The following TRHDE variants were observed in gnomAD, a reference collection of about 807,000 sequenced individuals.
TRHDE encodes the protein thyrotropin-releasing hormone-degrading ectoenzyme.
Under a neutral mutation model 125.7 loss-of-function variants are expected in TRHDE, and 72 were observed. The observed-to-expected ratio is 0.57, with a 90% CI of 0.47 to 0.70. The LOEUF (loss-of-function observed/expected upper bound fraction) is 0.70, where lower values mean the gene tolerates loss of function less well. Among genes scored for constraint, TRHDE ranks in the 30% least tolerant of loss-of-function variants. TRHDE has a pLI of 0.00. For missense variants in TRHDE, 1,110 were observed against 1,327.1 expected, an observed-to-expected ratio of 0.84 and a Z score of 2.54; for synonymous variants, 509 against 509.1, an observed-to-expected ratio of 1.00 and a Z score of 0.00.
chr12:72,549,775 C>A (rs1869588817), intron 7 of TRHDE, among the ~76,000 whole-genome samples: 2 of 151,586 alleles, frequency 1.3e-5, no homozygotes, highest in Non-Finnish European at 1.5e-5. Context: ...TTAATACAAA[C>A]AAATACTTTA....
At chr12:72,434,260 C>T (rs936838349) in intron 3 of TRHDE, among the ~76,000 whole-genome samples, 1 of 151,734 alleles carries the variant, frequency 6.6e-6, no homozygotes, top group Non-Finnish European at 1.5e-5. Flanking sequence ...TGGACCACAC[C>T]TGTGGTCCCA....
At chr12:72,611,177 G>T in intron 12 of TRHDE, 1 of 195,312 alleles carries the variant, frequency 5.1e-6, no homozygotes, top group Non-Finnish European at 1.2e-5. Flanking sequence ...AGTGACATGA[G>T]TTTTGTCCTG....
At chr12:72,175,609 A>C (rs1391443402) in intron 2 of TRHDE, among the ~76,000 whole-genome samples, 2 of 152,208 alleles carry the variant, frequency 1.3e-5, no homozygotes, top group African/African-American at 4.8e-5. Context: ...TAGTTCTCAG[A>C]GTCAATGAGG....
At chr12:72,607,134 A>G (rs1469006884) in intron 12 of TRHDE, among the ~76,000 whole-genome samples, 3 of 152,034 alleles carry the variant, frequency 2.0e-5, no homozygotes, top group Non-Finnish European at 4.4e-5. Context: ...CTTCCCAACA[A>G]TTTAGTGAGG....
chr12:72,097,735 G>A (rs1264002618), intron 1 of TRHDE, among the ~76,000 whole-genome samples: 2 of 152,158 alleles, frequency 1.3e-5, no homozygotes, highest in East Asian at 3.9e-4. Context: ...AGAGGCGTGA[G>A]CCACTGCACC....
chr12:72,258,729 TC>T (rs1369757544), intron 2 of TRHDE, among the ~76,000 whole-genome samples: 11 of 152,190 alleles, frequency 7.2e-5, no homozygotes, highest in Non-Finnish European at 4.4e-5. Context: ...GCCATGTCTC[TC>T]TATCTCCTTT....
chr12:72,133,400 G>C (rs1875908264), intron 2 of TRHDE, among the ~76,000 whole-genome samples: 1 of 152,192 alleles, frequency 6.6e-6, no homozygotes, highest in Non-Finnish European at 1.5e-5. Flanking sequence ...TGAGATTGCT[G>C]TGTCGGGTAG....
chr12:72,562,553 A>G (rs957958882), intron 8 of TRHDE, among the ~76,000 whole-genome samples: 3 of 152,026 alleles, frequency 2.0e-5, no homozygotes, highest in Non-Finnish European at 1.5e-5. Flanking sequence ...AGATATTTAA[A>G]TGTGACACTA....
chr12:72,328,577 C>A (rs1158095242), intron 2 of TRHDE, among the ~76,000 whole-genome samples: 1 of 152,048 alleles, frequency 6.6e-6, no homozygotes, highest in Non-Finnish European at 1.5e-5. Flanking sequence ...TACGTATCAT[C>A]TTTATTCTAG....
chr12:72,376,824 T>C (rs1871905218), intron 2 of TRHDE, among the ~76,000 whole-genome samples: 1 of 152,166 alleles, frequency 6.6e-6, no homozygotes, highest in South Asian at 2.1e-4. Context: ...GAGTACAAAT[T>C]TCTTTTTTTA....
rs141478387 is a variant in TRHDE, at chr12:72,574,970, C to T, written c.2132-285C>T. 8.7e-4 allele frequency among the ~76,000 whole-genome samples: 133 copies of T among 152,156 alleles called. 1 individual carries two copies. Among genetic ancestry groups the T allele is most frequent in the African/African-American group, 3.1e-3 (130 of 41,538 alleles). ...AATACAGTGGTAGATTTCTAGGTTA[C>T]AGTTACTTTGAGAAAGAAAATTATG... On this transcript the variant is annotated intron_variant, in intron 10 of 18. Transcript: ENST00000261180.
At chr12:72,570,140 A>T (rs1269710866) in intron 10 of TRHDE, among the ~76,000 whole-genome samples, 1 of 152,228 alleles carries the variant, frequency 6.6e-6, no homozygotes, top group Non-Finnish European at 1.5e-5. Context: ...AAACATGGGG[A>T]TTAGCCCAAA....
In TRHDE at chr12:72,546,922, C is replaced by G. The variant is rs1869445546; in HGVS notation, c.1788+4566C>G. Among the ~76,000 whole-genome samples the G allele has an allele frequency of 2.0e-5, 3 of 151,696 alleles. No homozygotes were observed. The South Asian group carries it at 6.2e-4, about 31-fold the overall frequency. On this transcript the variant is annotated intron_variant, in intron 7 of 18. Transcript: ENST00000261180. ...ATCTGAGCAGTGACAACTCCTCCTT[C>G]TTTACTGCTATCCATATCTTTTATG...
chr12:72,529,957 A>G (rs891591010), intron 6 of TRHDE, among the ~76,000 whole-genome samples: 1 of 151,996 alleles, frequency 6.6e-6, no homozygotes, highest in African/African-American at 2.4e-5. Flanking sequence ...TTCCCTTGCT[A>G]TTTGTCACAG....
At chr12:72,240,595 A>G (rs1348304044) in intron 2 of TRHDE, among the ~76,000 whole-genome samples, 4 of 151,156 alleles carry the variant, frequency 2.6e-5, no homozygotes, top group Non-Finnish European at 5.9e-5. Flanking sequence ...TTTGAGACAG[A>G]GTCTCACTTT....
intron 2 of TRHDE, among the ~76,000 whole-genome samples, chr12:72,139,526 A>G (rs1295460312): frequency 6.6e-6 from 1 of 152,358 alleles, no homozygotes; most frequent in Non-Finnish European, 1.5e-5. Context: ...ATGTGTAGCC[A>G]TTATGAATAG....
At chr12:72,571,483 T>A (rs893163513) in intron 10 of TRHDE, among the ~76,000 whole-genome samples, 1 of 152,210 alleles carries the variant, frequency 6.6e-6, no homozygotes, top group Non-Finnish European at 1.5e-5. Flanking sequence ...GAAAGTACTT[T>A]GGATAAATAT....
chr12:72,286,684 C>G lies in TRHDE; in HGVS notation c.918C>G (p.Phe306Leu). 6.2e-7 allele frequency: 1 copy of G among 1,611,800 alleles called. No individual in the cohort carries two copies. The highest frequency in any genetic ancestry group is 8.5e-7 in the Non-Finnish European group (1 of 1,179,002). ...SSYVLHGERR[F>L]LGVTQFSPTH... Reference sequence around the variant, plus strand: ...AATGTCATTTTCTTTTTTCCAGATTCCTTGGTGTTACTCAGTTTTCGCCTA... The same window carrying G: ...AATGTCATTTTCTTTTTTCCAGATTGCTTGGTGTTACTCAGTTTTCGCCTA... The change falls in exon 2 of 19, where the codon TTC becomes TTG. Residue 306 changes from phenylalanine (F) to leucine (L), a missense_variant. Transcript: ENST00000261180.
At chr12:72,428,387 T>C (rs1874279238) in intron 3 of TRHDE, among the ~76,000 whole-genome samples, 1 of 152,256 alleles carries the variant, frequency 6.6e-6, no homozygotes, top group South Asian at 2.1e-4. Context: ...TCTATATCTA[T>C]GCCTATATCT....
Sources: allele counts gnomAD v4.1 joint callset (sites outside exome capture counted in the v4.1 genomes callset), GRCh38; gene constraint gnomAD v4.1.1; transcripts MANE v1.5; gene names NCBI Gene and HGNC (gene_info 2026-07-23, HGNC 2026-07-21).